FBLN1: variants seen among roughly 807,000 people sequenced by gnomAD.
FBLN1 encodes fibulin-1.
FBLN1 carries 34 observed loss-of-function variants against 89.7 expected under a neutral mutation model. That is an observed-to-expected ratio of 0.38 (90% CI 0.29 to 0.50). FBLN1 has a LOEUF of 0.50. FBLN1 is among the 20% of genes least tolerant of loss of function. The probability of loss-of-function intolerance (pLI) is 0.92; values close to 1 mark genes in which losing one functional copy is unlikely to be tolerated. For missense variants in FBLN1, 777 were observed against 988.1 expected (o/e 0.79, Z 2.86); for synonymous variants, 393 against 391.3 (o/e 1.00, Z -0.05).
intron 11 of FBLN1, among the ~76,000 whole-genome samples, chr22:45,543,757 C>T (rs1027778372): frequency 1.3e-5 from 2 of 152,206 alleles, no homozygotes; most frequent in East Asian, 1.9e-4. Flanking sequence ...TCATAGGCTG[C>T]GGCAGAGGCC....
rs116864857 is a variant in FBLN1 at position 45,549,100 on chromosome 22, G to A, written c.1573+356G>A. Among the ~76,000 whole-genome samples the A allele has an allele frequency of 0.066, 9,990 of 152,288 alleles. 425 individuals are homozygous for A. The highest frequency in any genetic ancestry group is 0.2 in the South Asian group (945 of 4,828). ...AGGGAGGAAGCAGTCCAGGCCAGGG[G>A]ATGGCGTGGCCTGGTGTGGGATGGC... On this transcript the variant is annotated intron_variant, in intron 13 of 16. Transcript: ENST00000327858. The surrounding 1 kb of genome is among the most constrained non-coding windows in gnomAD (Gnocchi z 5.7).
rs1346449840 is a variant in FBLN1 at position 45,590,664 on chromosome 22, G to C, written c.1973-9643G>C. On this transcript the variant is annotated intron_variant, in intron 16 of 16. Transcript: ENST00000327858. This position sits in a 1 kb window ranked among gnomAD's most constrained non-coding sequence, Gnocchi z 4.1. ...CGGAACTGAGGCCAGGTGGGGTTGTGGGGAGAGAAGGGAGGAGAGTCTGGA... is the reference window on the plus strand; with the variant it reads ...CGGAACTGAGGCCAGGTGGGGTTGTCGGGAGAGAAGGGAGGAGAGTCTGGA... Among the ~76,000 whole-genome samples, 1 of 152,172 alleles carries C rather than the reference G, an allele frequency of 6.6e-6. No homozygotes were observed. Among genetic ancestry groups the C allele is most frequent in the Admixed American group, 6.5e-5 (1 of 15,280 alleles).
In FBLN1 at chr22:45,537,850, T is replaced by C. The variant is rs992529631; in HGVS notation, c.922+2513T>C. Among the ~76,000 whole-genome samples the C allele has an allele frequency of 6.6e-6, 1 of 152,118 alleles. No homozygotes were observed. Among genetic ancestry groups the C allele is most frequent in the Admixed American group, 6.5e-5 (1 of 15,280 alleles). ...CAGGGGGTGGTGAGCAGGGAAGCCA[T>C]GGGCTCTCCGGGACCAGCGGGGAGG... On this transcript the variant is annotated intron_variant, in intron 8 of 16. Transcript: ENST00000327858. The surrounding 1 kb of genome is among the most constrained non-coding windows in gnomAD (Gnocchi z 5.7).
chr22:45,504,589 C>T (rs1260373971), intron 1 of FBLN1, among the ~76,000 whole-genome samples: 2 of 152,068 alleles, frequency 1.3e-5, no homozygotes, highest in African/African-American at 4.8e-5. Context: ...CTCAGAGGCC[C>T]CGATTGTGTC....
Position 45,562,686 on chromosome 22 carries a change from C to A in FBLN1, c.1698-11825C>A, listed in dbSNP as rs1160180336. Among the ~76,000 whole-genome samples, 1 of 152,218 alleles carries A rather than the reference C, an allele frequency of 6.6e-6. No individual in the cohort carries two copies. Among genetic ancestry groups the A allele is most frequent in the Admixed American group, 6.5e-5 (1 of 15,288 alleles). On this transcript the variant is annotated intron_variant, in intron 14 of 16. Coordinates refer to ENST00000327858, the MANE Select transcript of FBLN1 (RefSeq NM_006486.3). This position sits in a 1 kb window ranked among gnomAD's most constrained non-coding sequence, Gnocchi z 7.8. ...GCACAGCCTTTGGCCCCCGGCCACCCAGCGCCCGAGATGGTGTTGGAAGAG... is the reference window on the plus strand; with the variant it reads ...GCACAGCCTTTGGCCCCCGGCCACCAAGCGCCCGAGATGGTGTTGGAAGAG...
chr22:45,568,678 T>C (rs1381909413), intron 14 of FBLN1, among the ~76,000 whole-genome samples: 1 of 53,946 alleles, frequency 1.9e-5, no homozygotes, highest in African/African-American at 7.8e-5. Flanking sequence ...GGAATGCCTC[T>C]TCTGTAGGGG....
chr22:45,598,425 G>A (rs1322223016), intron 16 of FBLN1, among the ~76,000 whole-genome samples: 1 of 152,204 alleles, frequency 6.6e-6, no homozygotes, highest in Non-Finnish European at 1.5e-5. Context: ...GTGGAACGGA[G>A]AAGGGACCTT....
At chr22:45,596,407 C>T (rs2089186376) in intron 16 of FBLN1, among the ~76,000 whole-genome samples, 1 of 152,116 alleles carries the variant, frequency 6.6e-6, no homozygotes, top group Non-Finnish European at 1.5e-5. Flanking sequence ...TTCAGTTTCT[C>T]TACATTCTTA....
At chr22:45,592,193 T>A (rs1287809773) in intron 16 of FBLN1, among the ~76,000 whole-genome samples, 1 of 152,150 alleles carries the variant, frequency 6.6e-6, no homozygotes, top group Non-Finnish European at 1.5e-5. Context: ...CTAACTGCGA[T>A]GGGGGCTGAA....
rs2088949270 is a variant in FBLN1 at position 45,571,106 on chromosome 22, A to T, written c.1698-3405A>T. Among the ~76,000 whole-genome samples, 17 of 131,212 alleles carry T rather than the reference A, an allele frequency of 1.3e-4. No homozygotes were observed. The South Asian group carries it at 2.0e-3, about 16-fold the overall frequency. The allele number at this position is 131,212 out of a possible 152,430, so 86.1% of individuals were successfully genotyped here. A position where few individuals can be genotyped will look rare whatever the true frequency, so the allele number is the denominator to read the frequency against. On this transcript the variant is annotated intron_variant, in intron 14 of 16. Coordinates refer to ENST00000327858, the MANE Select transcript of FBLN1 (RefSeq NM_006486.3). ...ACTGCATTCCAGCCTGGGAAACAAGAGTCTCAAAAAAAAAAAAAAAAAAAA... is the reference window on the plus strand; with the variant it reads ...ACTGCATTCCAGCCTGGGAAACAAGTGTCTCAAAAAAAAAAAAAAAAAAAA...
Position 45,577,209 on chromosome 22 carries a change from A to C in FBLN1, c.1972+101A>C. On this transcript the variant is annotated intron_variant, in intron 16 of 16. Coordinates refer to ENST00000327858, the MANE Select transcript of FBLN1 (RefSeq NM_006486.3). This position sits in a 1 kb window ranked among gnomAD's most constrained non-coding sequence, Gnocchi z 6.6. The stretch of plus-strand genomic sequence containing the variant: ...ACTCCCATCTGAGTCCCCTCCCCAA[A>C]TTCAAGCCCACCCAACCTTCAGGGC... 7.3e-7 allele frequency: 1 copy of C among 1,364,990 alleles called. No homozygotes were observed. Among genetic ancestry groups the C allele is most frequent in the Non-Finnish European group, 1.0e-6 (1 of 975,304 alleles). 84.6% of individuals were successfully genotyped at this position (1,364,990 alleles called of 1,614,324 possible).
rs2088455989 is a variant in FBLN1 at position 45,534,358 on chromosome 22, G to C, written c.784+460G>C. ...ATCCCACAACTGTTTTTGCACAACA[G>C]CTGCCTTCCATCCAAATCCAGGCTT... On this transcript the variant is annotated intron_variant, in intron 7 of 16. Transcript: ENST00000327858. 2.8e-5 allele frequency among the ~76,000 whole-genome samples: 4 copies of C among 143,126 alleles called. No homozygotes were observed. The South Asian group carries it at 8.9e-4, about 32-fold the overall frequency. The allele number at this position is 143,126 out of a possible 152,430, so 93.9% of individuals were successfully genotyped here. A position where few individuals can be genotyped will look rare whatever the true frequency, so the allele number is the denominator to read the frequency against.
chr22:45,519,539 G>A (rs927405145), intron 2 of FBLN1, among the ~76,000 whole-genome samples: 4 of 150,760 alleles, frequency 2.7e-5, no homozygotes, highest in Admixed American at 6.6e-5. Flanking sequence ...CCAGAGAATT[G>A]CTTGAACCTG....
At chr22:45,515,690 C>T (rs1402331858) in intron 1 of FBLN1, among the ~76,000 whole-genome samples, 2 of 152,198 alleles carry the variant, frequency 1.3e-5, no homozygotes, top group Admixed American at 6.5e-5. Flanking sequence ...CAATCCCCTT[C>T]GACGGTTTAA....
intron 2 of FBLN1, among the ~76,000 whole-genome samples, chr22:45,524,943 G>A (rs1403394254): frequency 1.3e-5 from 2 of 152,148 alleles, no homozygotes; most frequent in Non-Finnish European, 2.9e-5. Context: ...AGTTAGCCAG[G>A]TGTGGTGGCG....
chr22:45,504,653 G>A (rs73889999), intron 1 of FBLN1, among the ~76,000 whole-genome samples: 6 of 152,072 alleles, frequency 3.9e-5, no homozygotes, highest in Non-Finnish European at 8.8e-5. Context: ...CCCTGGCCCC[G>A]GAGTCTCTGC....
chr22:45,598,204 G>A (rs1419107436), intron 16 of FBLN1, among the ~76,000 whole-genome samples: 2 of 152,212 alleles, frequency 1.3e-5, no homozygotes, highest in African/African-American at 4.8e-5. Flanking sequence ...AGGTGTCTCA[G>A]TGCCAGCTCA....
rs1309583470 is a variant in FBLN1 at position 45,583,097 on chromosome 22, C to T, written c.1972+5989C>T. Among the ~76,000 whole-genome samples, 1 of 152,144 alleles carries T rather than the reference C, an allele frequency of 6.6e-6. No individual in the cohort carries two copies. The highest frequency in any genetic ancestry group is 1.5e-5 in the Non-Finnish European group (1 of 68,006). On this transcript the variant is annotated intron_variant, in intron 16 of 16. Coordinates refer to ENST00000327858, the MANE Select transcript of FBLN1 (RefSeq NM_006486.3). This position sits in a 1 kb window ranked among gnomAD's most constrained non-coding sequence, Gnocchi z 4.5. ...CGAGCAGCCTTGTGGGACAGCCACC[C>T]TGGGGCTGGTATCACCATTTATGTA...
rs1601537169 is a variant in FBLN1, at chr22:45,581,776, C to T, written c.1972+4668C>T. 6.6e-6 allele frequency among the ~76,000 whole-genome samples: 1 copy of T among 152,194 alleles called. No homozygotes were observed. Among genetic ancestry groups the T allele is most frequent in the East Asian group, 2.0e-4 (1 of 5,118 alleles). Reference sequence around the variant, plus strand: ...TGAGGGGTGAGCCAGACAAGTGGGACACCCAAACTCACAGCCACGTCTGTG... The same window carrying T: ...TGAGGGGTGAGCCAGACAAGTGGGATACCCAAACTCACAGCCACGTCTGTG... On this transcript the variant is annotated intron_variant, in intron 16 of 16. Transcript: ENST00000327858. The surrounding 1 kb of genome is among the most constrained non-coding windows in gnomAD (Gnocchi z 7.6).
Sources: gnomAD v4.1 joint callset for allele counts (sites outside exome capture counted in the v4.1 genomes callset) on GRCh38, gnomAD v4.1.1 for gene constraint, Gnocchi (gnomAD v3.1) non-coding constraint, MANE v1.5 for transcripts, NCBI Gene and HGNC (gene_info 2026-07-23, HGNC 2026-07-21) for gene names.